The following TXNRD2 variants were observed in gnomAD, a reference collection of about 807,000 sequenced individuals.
TXNRD2 encodes the protein thioredoxin reductase 2.
TXNRD2 carries 67 observed loss-of-function variants against 70.8 expected under a neutral mutation model. The ratio of observed to expected loss-of-function variants is 0.95; its 90% confidence interval spans 0.78 to 1.16. TXNRD2 has a LOEUF of 1.16. TXNRD2 is among the 50% of genes most tolerant of loss of function. The probability of loss-of-function intolerance (pLI) is 0.00; values close to 1 mark genes in which losing one functional copy is unlikely to be tolerated. For synonymous variants in TXNRD2, 301 were observed against 295.8 expected (o/e 1.02, Z -0.18); for missense variants, 644 against 719.9 (o/e 0.89, Z 1.21).
intron 2 of TXNRD2, among the ~76,000 whole-genome samples, chr22:19,923,844 CTTTTTTTT>C (rs34120716): frequency 2.6e-5 from 2 of 78,120 alleles, no homozygotes; most frequent in Non-Finnish European, 4.5e-5. Context: ...ACCCCTGAGG[CTTTTTTTT>C]TTTTTTTTTT....
At chr22:19,898,911 A>C in intron 9 of TXNRD2, 138 bp downstream of exon 9, 2 of 1,080,974 alleles carry the variant, frequency 1.9e-6, no homozygotes, top group East Asian at 2.6e-5. Flanking sequence ...GGCACAGTAG[A>C]TCCTCCACGC....
At chr22:19,895,156 C>T in intron 11 of TXNRD2, 2 of 1,598,382 alleles carry the variant, frequency 1.3e-6, no homozygotes, top group South Asian at 1.1e-5. Context: ...TGGTTTTTTC[C>T]AGCATGTCCC....
At position 19,895,436 on chromosome 22, in the gene TXNRD2, C is replaced by T; in HGVS notation, c.920G>A (p.Gly307Asp). The T allele has an allele frequency of 6.2e-7, 1 of 1,613,914 alleles. No homozygotes were observed. The highest frequency in any genetic ancestry group is 8.5e-7 in the Non-Finnish European group (1 of 1,179,968). The part of the protein sequence containing the change: ...EDSTTGKEDT[G>D]TFDTVLWAIG... ...GGCCCACAGGACGGTGTCAAAGGTG[C>T]CCGTGTCCTCCTTGCCGGTGGTGCT... Residue 307 changes from glycine (G) to aspartate (D), a missense_variant, in exon 11 of 18, where the codon GGC becomes GAC. This residue lies in a region of TXNRD2 where 566 missense variants were observed against 645.0 expected (regional missense o/e 0.88). Coordinates refer to ENST00000400521, the MANE Select transcript of TXNRD2 (RefSeq NM_006440.5).
intron 11 of TXNRD2, chr22:19,894,143 G>C (rs1008274894): frequency 6.6e-6 from 1 of 152,246 alleles, no homozygotes; most frequent in Non-Finnish European, 1.5e-5. Flanking sequence ...AAAACATTGT[G>C]CTAAGAGAAA....
At chr22:19,919,026 T>C in intron 3 of TXNRD2, 22 bp from the exon 4 acceptor site, 2 of 1,603,446 alleles carry the variant, frequency 1.2e-6, no homozygotes, top group Non-Finnish European at 1.7e-6. Flanking sequence ...GAAGAGCACA[T>C]TTGAATTTAT....
chr22:19,930,926 G>A (rs541848667), intron 2 of TXNRD2, 104 bp downstream of exon 2: 1 of 1,015,590 alleles, frequency 9.8e-7, no homozygotes, highest in African/African-American at 1.6e-5. Context: ...GACCCCAGCA[G>A]GGAGGCAACG....
rs922622874 is a variant in TXNRD2 at position 19,927,669 on chromosome 22, A to C, written c.172+3361T>G. Among the ~76,000 whole-genome samples, 12 of 149,456 alleles carry C rather than the reference A, an allele frequency of 8.0e-5. 1 individual carries two copies. The highest frequency in any genetic ancestry group is 2.4e-4 in the African/African-American group (10 of 41,060). ...CTTGTCTCAAAAAAAAAAAAAAAAAAAAGAAAAGAAAGAAAGAAAGAAAAG... is the reference window on the plus strand; with the variant it reads ...CTTGTCTCAAAAAAAAAAAAAAAAACAAGAAAAGAAAGAAAGAAAGAAAAG... On this transcript the variant is annotated intron_variant, in intron 2 of 17. Coordinates refer to ENST00000400521, the MANE Select transcript of TXNRD2 (RefSeq NM_006440.5).
At chr22:19,905,479 G>T (rs1443816840) in intron 8 of TXNRD2, among the ~76,000 whole-genome samples, 1 of 152,158 alleles carries the variant, frequency 6.6e-6, no homozygotes, top group Non-Finnish European at 1.5e-5. Flanking sequence ...CCTTGCTAGG[G>T]AGACAGCAAG....
intron 11 of TXNRD2, among the ~76,000 whole-genome samples, chr22:19,889,560 A>G (rs1029927872): frequency 1.3e-5 from 2 of 152,202 alleles, no homozygotes; most frequent in Admixed American, 6.5e-5. Context: ...GCGGTGAGCC[A>G]GATCGCGCTC....
At chr22:19,909,567 TACACACACCACAC>T (rs1940233468) in intron 8 of TXNRD2, among the ~76,000 whole-genome samples, 2 of 94,992 alleles carry the variant, frequency 2.1e-5, no homozygotes, top group African/African-American at 8.7e-5. Flanking sequence ...ACTACTCACA[TACACACACCACAC>T]ACACACACCA....
At chr22:19,886,407 C>T (rs899293594) in intron 11 of TXNRD2, among the ~76,000 whole-genome samples, 4 of 152,258 alleles carry the variant, frequency 2.6e-5, no homozygotes, top group Admixed American at 6.5e-5. Flanking sequence ...GCCAATCAGG[C>T]GTCCTAGGCC....
intron 5 of TXNRD2, among the ~76,000 whole-genome samples, chr22:19,916,892 A>G (rs928733799): frequency 1.3e-5 from 2 of 152,176 alleles, no homozygotes; most frequent in East Asian, 3.9e-4. Flanking sequence ...TACAGGCATG[A>G]GCCACTGCAC....
chr22:19,937,736 G>A (rs578013733), intron 1 of TXNRD2, among the ~76,000 whole-genome samples: 26 of 152,284 alleles, frequency 1.7e-4, no homozygotes, highest in East Asian at 3.9e-4. Context: ...CGGCCAAGCC[G>A]GCTCAACAAA....
At chr22:19,925,888 C>T (rs1307950675) in intron 2 of TXNRD2, among the ~76,000 whole-genome samples, 7 of 152,058 alleles carry the variant, frequency 4.6e-5, no homozygotes, top group South Asian at 2.1e-4. Flanking sequence ...AGTGCAGGGC[C>T]GGGCATGGTG....
intron 2 of TXNRD2, among the ~76,000 whole-genome samples, chr22:19,922,933 C>T (rs1041169470): frequency 9.9e-5 from 15 of 151,884 alleles, no homozygotes; most frequent in Non-Finnish European, 2.1e-4. Flanking sequence ...ATGATCCGCC[C>T]ACCTCGGCCT....
intron 1 of TXNRD2, among the ~76,000 whole-genome samples, chr22:19,940,548 C>T (rs1941675744): frequency 6.6e-6 from 1 of 152,152 alleles, no homozygotes; most frequent in Admixed American, 6.5e-5. Flanking sequence ...CGTGTCTGGA[C>T]TGTGAGTATG....
intron 8 of TXNRD2, among the ~76,000 whole-genome samples, chr22:19,906,967 G>C (rs1940052928): frequency 1.0e-5 from 1 of 99,468 alleles, no homozygotes; most frequent in Non-Finnish European, 2.0e-5. Flanking sequence ...CCGCTCTCAG[G>C]AGAGTGTGGG....
chr22:19,903,587 T>C (rs1289811474), intron 8 of TXNRD2, among the ~76,000 whole-genome samples: 2 of 152,078 alleles, frequency 1.3e-5, no homozygotes, highest in Non-Finnish European at 1.5e-5. Context: ...GCCCTCCAGG[T>C]CAGGAAGTGG....
chr22:19,910,012 C>T (rs1450755522), intron 8 of TXNRD2, among the ~76,000 whole-genome samples: 9 of 136,626 alleles, frequency 6.6e-5, no homozygotes, highest in African/African-American at 1.1e-4. Context: ...CACATCTGCA[C>T]GCACACCATG....
Sources: gnomAD v4.1 joint callset for allele counts (sites outside exome capture counted in the v4.1 genomes callset) on GRCh38, gnomAD v4.1.1 for gene constraint, gnomAD v4.1.1 regional missense constraint, MANE v1.5 for transcripts, NCBI Gene and HGNC (gene_info 2026-07-23, HGNC 2026-07-21) for gene names.